The following WDR41 variants were observed in gnomAD, a reference collection of about 807,000 sequenced individuals.
WDR41 encodes WD repeat-containing protein 41.
Under a neutral mutation model 69.3 loss-of-function variants are expected in WDR41, and 63 were observed. That is an observed-to-expected ratio of 0.91 (90% CI 0.74 to 1.12). The LOEUF (loss-of-function observed/expected upper bound fraction) is 1.12, where lower values mean the gene tolerates loss of function less well. WDR41 is among the 50% of genes most tolerant of loss of function. The pLI is 0.00. For missense variants in WDR41, 543 were observed against 534.5 expected (o/e 1.02, Z -0.16); for synonymous variants, 185 against 192.1 (o/e 0.96, Z 0.31).
At chr5:77,463,268 A>G in intron 3 of WDR41, 42 bp from the exon 4 acceptor site, 1 of 1,561,150 alleles carries the variant, frequency 6.4e-7, no homozygotes, top group Non-Finnish European at 8.7e-7. Context: ...AGCTTTCACA[A>G]TTTAGATAAT....
chr5:77,467,105 G>A (rs1290551224), intron 2 of WDR41, among the ~76,000 whole-genome samples: 1 of 151,428 alleles, frequency 6.6e-6, no homozygotes, highest in Non-Finnish European at 1.5e-5. Flanking sequence ...CTAATTGTAA[G>A]GTATAGTGTA....
chr5:77,495,880 C>T (rs1801926307), upstream of WDR41, among the ~76,000 whole-genome samples: 1 of 151,920 alleles, frequency 6.6e-6, no homozygotes, highest in Non-Finnish European at 1.5e-5. Context: ...ATAATATTAT[C>T]ACATTAAATC....
At chr5:77,545,937 G>A in intron 1 of WDR41, 1 of 498,386 alleles carries the variant, frequency 2.0e-6, no homozygotes, top group Non-Finnish European at 3.5e-6. Flanking sequence ...CCCTTGCAAG[G>A]TGACAGGCCG....
At chr5:77,449,346 T>G (rs1216180468) in intron 8 of WDR41, among the ~76,000 whole-genome samples, 3 of 152,202 alleles carry the variant, frequency 2.0e-5, no homozygotes, top group Admixed American at 2.0e-4. Context: ...TGAATCCTGC[T>G]CATTCTAGTG....
chr5:77,571,737 T>C (rs1743737236), intron 1 of WDR41, among the ~76,000 whole-genome samples: 1 of 152,198 alleles, frequency 6.6e-6, no homozygotes, highest in South Asian at 2.1e-4. Context: ...GAGCAGATGT[T>C]GCTGCTTTTG....
chr5:77,611,270 A>G (rs1744544011), intron 1 of WDR41, among the ~76,000 whole-genome samples: 1 of 152,206 alleles, frequency 6.6e-6, no homozygotes, highest in Non-Finnish European at 1.5e-5. Flanking sequence ...TAACAAGGAT[A>G]CACAGGAATT....
At chr5:77,569,905 C>T (rs554766057) in intron 1 of WDR41, among the ~76,000 whole-genome samples, 1 of 152,326 alleles carries the variant, frequency 6.6e-6, no homozygotes, top group Non-Finnish European at 1.5e-5. Flanking sequence ...TTCTTAAATA[C>T]ATCTACATCT....
chr5:77,609,108 A>G (rs1580050758), intron 1 of WDR41, among the ~76,000 whole-genome samples: 1 of 152,262 alleles, frequency 6.6e-6, no homozygotes, highest in Admixed American at 6.5e-5. Flanking sequence ...GGGGAGGGGC[A>G]CCCGACATTG....
chr5:77,446,186 G>C (rs1023576436), intron 8 of WDR41, among the ~76,000 whole-genome samples: 4 of 152,078 alleles, frequency 2.6e-5, no homozygotes, highest in Non-Finnish European at 5.9e-5. Flanking sequence ...TCGCTACAAA[G>C]AGAATAAAGT....
chr5:77,594,688 AC>A (rs1344054411), intron 1 of WDR41, among the ~76,000 whole-genome samples: 1 of 152,036 alleles, frequency 6.6e-6, no homozygotes, highest in African/African-American at 2.4e-5. Context: ...AAACAGCCCA[AC>A]CTTCTCCTTT....
At chr5:77,467,283 G>A (rs1428032950) in intron 2 of WDR41, among the ~76,000 whole-genome samples, 3 of 151,906 alleles carry the variant, frequency 2.0e-5, no homozygotes, top group African/African-American at 7.2e-5. Context: ...TAAGCCTAAA[G>A]ATAAGATTTT....
intron 1 of WDR41, among the ~76,000 whole-genome samples, chr5:77,603,795 T>C (rs4554187): frequency 0.17 from 26,204 of 152,166 alleles, 2,640 homozygotes; most frequent in East Asian, 0.43. Flanking sequence ...TGCATGTGGA[T>C]ATCCAGTTTT....
intron 1 of WDR41, among the ~76,000 whole-genome samples, chr5:77,586,300 A>T (rs1237700662): frequency 2.7e-5 from 4 of 145,524 alleles, no homozygotes; most frequent in Non-Finnish European, 6.1e-5. Flanking sequence ...TTATTTATTT[A>T]TGTATTTATT....
At chr5:77,483,690 C>A (rs1006539900) in intron 2 of WDR41, among the ~76,000 whole-genome samples, 4 of 152,184 alleles carry the variant, frequency 2.6e-5, no homozygotes, top group Non-Finnish European at 4.4e-5. Context: ...TTCTATCATT[C>A]TTCCTAGCTT....
intron 1 of WDR41, among the ~76,000 whole-genome samples, chr5:77,609,241 A>G (rs1192888840): frequency 1.3e-5 from 2 of 152,186 alleles, no homozygotes; most frequent in African/African-American, 2.4e-5. Flanking sequence ...CAGACAAACA[A>G]AAAGACAGCA....
chr5:77,520,777 T>C (rs1802358953), intron 1 of WDR41, among the ~76,000 whole-genome samples: 1 of 152,188 alleles, frequency 6.6e-6, no homozygotes, highest in Admixed American at 6.5e-5. Context: ...TAGGTTCAGA[T>C]TATGCTTGTG....
At chr5:77,491,755 A>T (rs2112130477) in intron 1 of WDR41, 1 of 183,510 alleles carries the variant, frequency 5.4e-6, no homozygotes, top group South Asian at 1.8e-4. Context: ...CAATTCAAAT[A>T]AACCAAAAGT....
intron 1 of WDR41, among the ~76,000 whole-genome samples, chr5:77,564,952 C>T (rs143790505): frequency 6.6e-6 from 1 of 152,226 alleles, no homozygotes; most frequent in East Asian, 1.9e-4. Flanking sequence ...TTTCTTTTCT[C>T]TCTTTAATGT....
intron 1 of WDR41, among the ~76,000 whole-genome samples, chr5:77,555,204 T>A (rs1384232035): frequency 6.6e-6 from 1 of 152,236 alleles, no homozygotes; most frequent in Non-Finnish European, 1.5e-5. Flanking sequence ...AATACTATGC[T>A]ATTATTTTCA....
Sources: gnomAD v4.1 joint callset for allele counts (sites outside exome capture counted in the v4.1 genomes callset) on GRCh38, gnomAD v4.1.1 for gene constraint, MANE v1.5 for transcripts, NCBI Gene and HGNC (gene_info 2026-07-23, HGNC 2026-07-21) for gene names.